AFDN: variants seen among roughly 807,000 people sequenced by gnomAD.
AFDN encodes afadin, adherens junction formation factor, also known as afadin.
Under a neutral mutation model 216.6 loss-of-function variants are expected in AFDN, and 68 were observed. The observed-to-expected ratio is 0.31, with a 90% CI of 0.26 to 0.38. The LOEUF is 0.38. Ranked by LOEUF, AFDN falls within the 10% of genes least tolerant of loss-of-function variation. AFDN has a pLI of 1.00. For missense variants in AFDN, 2,136 were observed against 2,342.0 expected (o/e 0.91, Z 1.82); for synonymous variants, 868 against 853.7 (o/e 1.02, Z -0.29).
chr6:167,900,883 T>G (rs1163564252), intron 11 of AFDN, among the ~76,000 whole-genome samples: 3 of 152,234 alleles, frequency 2.0e-5, no homozygotes, highest in African/African-American at 7.2e-5. Context: ...TGATAGATTA[T>G]GAGTATTTAA....
intron 1 of AFDN, among the ~76,000 whole-genome samples, chr6:167,828,550 C>G (rs1779470903): frequency 6.6e-6 from 1 of 152,188 alleles, no homozygotes; most frequent in African/African-American, 2.4e-5. Flanking sequence ...CATTCATCTT[C>G]TGTAATGATT....
At chr6:167,842,527 A>G (rs1781186727) in intron 1 of AFDN, among the ~76,000 whole-genome samples, 1 of 134,798 alleles carries the variant, frequency 7.4e-6, no homozygotes, top group Non-Finnish European at 1.6e-5. Context: ...TAGATATTTA[A>G]AAATTTGGCT....
upstream of AFDN, chr6:167,826,586 CCAACA>C: frequency 1.9e-6 from 1 of 526,314 alleles, no homozygotes; most frequent in Non-Finnish European, 3.9e-6. Flanking sequence ...GCGTCCGGAC[CCAACA>C]CAGCACCACC....
chr6:167,901,944 T>G lies in AFDN; in HGVS notation c.1581-373T>G, dbSNP rs547686003. ...CCCATCTCTACAAAAAATACAATAA[T>G]TAGCCGGGCATGGTGGCCCTTGTCT... On this transcript the variant is annotated intron_variant, in intron 11 of 33. Coordinates refer to ENST00000683244, the MANE Select transcript of AFDN (RefSeq NM_001386888.1). Among the ~76,000 whole-genome samples, 6 of 151,664 alleles carry G rather than the reference T, an allele frequency of 4.0e-5. No individual in the cohort carries two copies. In the South Asian group the frequency reaches 1.0e-3, roughly 26 times the overall value.
At chr6:167,929,192 G>A (rs1195128936) in intron 23 of AFDN, among the ~76,000 whole-genome samples, 1 of 151,612 alleles carries the variant, frequency 6.6e-6, no homozygotes, top group Non-Finnish European at 1.5e-5. Flanking sequence ...TGCCTATCGT[G>A]TGAAAAGTAG....
At chr6:167,937,074 A>G (rs1794098346) in intron 23 of AFDN, among the ~76,000 whole-genome samples, 1 of 152,218 alleles carries the variant, frequency 6.6e-6, no homozygotes, top group African/African-American at 2.4e-5. Flanking sequence ...AGGGAAGGGC[A>G]TGTGAACAGG....
rs115346169 is a variant in AFDN at position 167,942,977 on chromosome 6, A to G, written c.3100-152A>G. The stretch of plus-strand genomic sequence containing the variant: ...GATGCATGAATAACTGATTTTTCAT[A>G]CTTGTAATTTTCATGTAAAAATGAG... On this transcript the variant is annotated intron_variant, in intron 23 of 33. Coordinates refer to ENST00000683244, the MANE Select transcript of AFDN (RefSeq NM_001386888.1). 2.0e-3 allele frequency: 1,171 copies of G among 579,594 alleles called. 12 individuals carry two copies. Among genetic ancestry groups the G allele is most frequent in the African/African-American group, 0.019 (1,035 of 53,474 alleles). The allele number at this position is 579,594 out of a possible 1,614,324, so 35.9% of individuals were successfully genotyped here. A position where few individuals can be genotyped will look rare whatever the true frequency, so the allele number is the denominator to read the frequency against.
rs75707742 is a variant in AFDN, at chr6:167,872,052, C to T, written c.415-162C>T. ...ATAAATACACCCATGTAACTGCCAGCTGAATCAAGATAAAGACCATTCTCA... is the reference window on the plus strand; with the variant it reads ...ATAAATACACCCATGTAACTGCCAGTTGAATCAAGATAAAGACCATTCTCA... On this transcript the variant is annotated intron_variant, in intron 3 of 33. Transcript: ENST00000683244. Among the ~76,000 whole-genome samples, 3 of 152,162 alleles carry T rather than the reference C, an allele frequency of 2.0e-5. No homozygotes were observed. The East Asian group carries it at 5.8e-4, about 29-fold the overall frequency.
chr6:167,951,161 A>G lies in AFDN; in HGVS notation c.3832-25A>G, dbSNP rs755676258. ...GTAATTTCTAGTAAATGGCTGAAAT[A>G]TAATAATTCTTTTTCTTTTTGCAGC... On this transcript the variant is annotated intron_variant, in intron 29 of 33. Transcript: ENST00000683244. This position sits in a 1 kb window ranked among gnomAD's most constrained non-coding sequence, Gnocchi z 7.1. 2.6e-6 allele frequency: 4 copies of G among 1,516,866 alleles called. No individual in the cohort carries two copies. Among genetic ancestry groups the G allele is most frequent in the Admixed American group, 2.3e-5 (1 of 43,954 alleles). 94.0% of individuals were successfully genotyped at this position (1,516,866 alleles called of 1,614,324 possible).
chr6:167,833,708 T>G (rs1780079019), intron 1 of AFDN, among the ~76,000 whole-genome samples: 1 of 152,162 alleles, frequency 6.6e-6, no homozygotes, highest in Non-Finnish European at 1.5e-5. Flanking sequence ...GGTTGCCAGT[T>G]TCCCTCCTCC....
chr6:167,879,340 T>C (rs182899539), intron 5 of AFDN, among the ~76,000 whole-genome samples: 1 of 152,210 alleles, frequency 6.6e-6, no homozygotes, highest in African/African-American at 2.4e-5. Context: ...ATGAGAAATA[T>C]TCAGTAACTG....
chr6:167,930,518 A>G (rs771543295), intron 23 of AFDN, among the ~76,000 whole-genome samples: 8 of 152,226 alleles, frequency 5.3e-5, no homozygotes, highest in Non-Finnish European at 1.2e-4. Context: ...AGCCAGGTCA[A>G]GGATGGCAGC....
At chr6:167,841,618 C>T (rs545270185) in intron 1 of AFDN, among the ~76,000 whole-genome samples, 41 of 152,210 alleles carry the variant, frequency 2.7e-4, no homozygotes, top group Non-Finnish European at 5.3e-4. Flanking sequence ...TTAATTTCTA[C>T]TCTCTGGTCT....
At chr6:167,842,900 T>A (rs1781227428) in intron 1 of AFDN, among the ~76,000 whole-genome samples, 1 of 152,210 alleles carries the variant, frequency 6.6e-6, no homozygotes, top group African/African-American at 2.4e-5. Flanking sequence ...TAAAAACACA[T>A]GAGCTTTTAG....
At chr6:167,964,435 A>T (rs1797329758) in intron 31 of AFDN, 2 of 1,065,190 alleles carry the variant, frequency 1.9e-6, no homozygotes, top group African/African-American at 1.6e-5. Flanking sequence ...TTTATTCCTC[A>T]CTCCAAGGGA....
Position 167,901,408 on chromosome 6 carries a change from A to G in AFDN, c.1581-909A>G, listed in dbSNP as rs368941925. ...AATGTAGTCGGTCCCAGCTTGTTAG[A>G]CTCTTCAATCTTCATAATGAGATTT... On this transcript the variant is annotated intron_variant, in intron 11 of 33. Transcript: ENST00000683244. Among the ~76,000 whole-genome samples the G allele has an allele frequency of 6.4e-4, 98 of 152,076 alleles. No homozygotes were observed. The Middle Eastern group carries it at 0.01, about 16-fold the overall frequency.
chr6:167,878,285 T>C (rs1266962204), intron 5 of AFDN, among the ~76,000 whole-genome samples: 1 of 152,178 alleles, frequency 6.6e-6, no homozygotes, highest in Non-Finnish European at 1.5e-5. Flanking sequence ...ACCAAAATCA[T>C]ATAGATGTTA....
At chr6:167,958,404 C>A (rs1462486241) in intron 30 of AFDN, among the ~76,000 whole-genome samples, 1 of 152,208 alleles carries the variant, frequency 6.6e-6, no homozygotes. Context: ...ATTCATATTA[C>A]GTGCCCTTTC....
intron 9 of AFDN, 109 bp from the exon 10 acceptor site, chr6:167,896,769 C>G: frequency 1.7e-6 from 1 of 584,114 alleles, no homozygotes; most frequent in Non-Finnish European, 3.0e-6. Context: ...GAAAAGAAAT[C>G]CTGAGAAATG....
Sources: gnomAD v4.1 joint callset for allele counts (sites outside exome capture counted in the v4.1 genomes callset) on GRCh38, gnomAD v4.1.1 for gene constraint, Gnocchi (gnomAD v3.1) non-coding constraint, MANE v1.5 for transcripts, NCBI Gene and HGNC (gene_info 2026-07-23, HGNC 2026-07-21) for gene names.